The following PTPRO variants were observed in gnomAD, a reference collection of about 807,000 sequenced individuals.
PTPRO encodes the protein protein tyrosine phosphatase receptor type O.
In PTPRO, 62 loss-of-function variants were observed where a neutral mutation model predicts 145.2. That is an observed-to-expected ratio of 0.43 (90% CI 0.35 to 0.53). The LOEUF is 0.53. Ranked by LOEUF, PTPRO falls within the 20% of genes least tolerant of loss-of-function variation. The probability of loss-of-function intolerance (pLI) is 0.01; values close to 1 mark genes in which losing one functional copy is unlikely to be tolerated. For missense variants in PTPRO, 1,345 were observed against 1,482.7 expected (o/e 0.91, Z 1.53); for synonymous variants, 565 against 514.7 (o/e 1.10, Z -1.32).
At chr12:15,462,739 G>A (rs253809) in intron 1 of PTPRO, among the ~76,000 whole-genome samples, 140,898 of 152,194 alleles carry the variant, frequency 0.93, 66,014 homozygotes, top group East Asian at 1. Context: ...GACATGTAGA[G>A]AAATTCCTGG....
chr12:15,561,697 C>G (rs1365985991), intron 17 of PTPRO, among the ~76,000 whole-genome samples: 1 of 152,114 alleles, frequency 6.6e-6, no homozygotes, highest in Non-Finnish European at 1.5e-5. Context: ...TATACATTTA[C>G]TTTTAACTGA....
At chr12:15,474,947 G>A (rs909327028) in intron 1 of PTPRO, among the ~76,000 whole-genome samples, 3 of 152,244 alleles carry the variant, frequency 2.0e-5, no homozygotes, top group South Asian at 2.1e-4. Flanking sequence ...CTCATTAGTC[G>A]CACCAACTGA....
chr12:15,359,486 G>A (rs542363620), intron 1 of PTPRO, among the ~76,000 whole-genome samples: 9 of 145,452 alleles, frequency 6.2e-5, no homozygotes, highest in Admixed American at 4.2e-4. Flanking sequence ...GTGCAGTGGC[G>A]TGATCTCCTG....
At chr12:15,365,229 TC>T (rs1938325668) in intron 1 of PTPRO, among the ~76,000 whole-genome samples, 3 of 152,132 alleles carry the variant, frequency 2.0e-5, no homozygotes, top group Non-Finnish European at 4.4e-5. Context: ...TCCCACTTCT[TC>T]CACCTACCTT....
rs886787431 is a variant in PTPRO at position 15,469,754 on chromosome 12, C to T, written c.76-14220C>T. Among the ~76,000 whole-genome samples, 19 of 109,980 alleles carry T rather than the reference C, an allele frequency of 1.7e-4. 1 individual carries two copies. The highest frequency in any genetic ancestry group is 9.2e-4 in the Admixed American group (7 of 7,636). The allele number at this position is 109,980 out of a possible 152,430, so 72.2% of individuals were successfully genotyped here. ...CTGTTGAACTAAATAGGAATCATGG[C>T]GTTAGTGTCCTGACAAAAAAAAAAA... On this transcript the variant is annotated intron_variant, in intron 1 of 26. Transcript: ENST00000281171.
At chr12:15,459,671 G>A (rs1941258615) in intron 1 of PTPRO, among the ~76,000 whole-genome samples, 1 of 152,204 alleles carries the variant, frequency 6.6e-6, no homozygotes, top group Non-Finnish European at 1.5e-5. Context: ...GAAGATCCAA[G>A]TCTTCCTATT....
chr12:15,451,246 T>C (rs762838540), intron 1 of PTPRO, among the ~76,000 whole-genome samples: 1 of 152,066 alleles, frequency 6.6e-6, no homozygotes, highest in Non-Finnish European at 1.5e-5. Context: ...AGAGAAACAT[T>C]ATATAATGAT....
In PTPRO at chr12:15,503,901, G is replaced by T. The variant is rs762795277; in HGVS notation, c.1106-7G>T. On this transcript the variant is annotated splice_polypyrimidine_tract_variant and splice_region_variant and intron_variant, in intron 5 of 26. Transcript: ENST00000281171. ...CATGTATCTTCTCTTTTTTATATAT[G>T]ATTTAGAGAACTTTACTGAATATTT... 1 of 1,561,974 alleles carries T rather than the reference G, an allele frequency of 6.4e-7. No individual in the cohort carries two copies. Among genetic ancestry groups the T allele is most frequent in the Non-Finnish European group, 8.8e-7 (1 of 1,133,950 alleles).
At chr12:15,333,903 G>C (rs192705473) in intron 1 of PTPRO, among the ~76,000 whole-genome samples, 20 of 152,206 alleles carry the variant, frequency 1.3e-4, no homozygotes, top group Admixed American at 9.8e-4. Context: ...CAAAAGCATA[G>C]CTTTTCTGAT....
chr12:15,582,170 T>A (rs1944334957), intron 23 of PTPRO, among the ~76,000 whole-genome samples: 2 of 152,260 alleles, frequency 1.3e-5, no homozygotes, highest in African/African-American at 4.8e-5. Flanking sequence ...CTTAAGCGGT[T>A]TTCCGCCCTG....
chr12:15,484,728 A>G (rs1941851677), intron 2 of PTPRO, among the ~76,000 whole-genome samples: 2 of 152,140 alleles, frequency 1.3e-5, no homozygotes, highest in African/African-American at 2.4e-5. Flanking sequence ...TCCCCACCTC[A>G]TCTTCAAAAT....
intron 1 of PTPRO, among the ~76,000 whole-genome samples, chr12:15,464,565 A>G (rs57580303): frequency 0.023 from 3,400 of 148,642 alleles, 148 homozygotes; most frequent in African/African-American, 0.079. Flanking sequence ...GGGTTTCACC[A>G]TCTTGGCCAG....
intron 1 of PTPRO, among the ~76,000 whole-genome samples, chr12:15,411,066 G>A (rs142649696): frequency 7.0e-4 from 106 of 152,292 alleles, no homozygotes; most frequent in African/African-American, 2.2e-3. Context: ...TGAAAAAGAA[G>A]TTTGAGCTGT....
intron 12 of PTPRO, among the ~76,000 whole-genome samples, chr12:15,537,145 G>A (rs1441807260): frequency 6.6e-6 from 1 of 152,094 alleles, no homozygotes; most frequent in Non-Finnish European, 1.5e-5. Flanking sequence ...TTCAGGTCTG[G>A]GTGGGTCAAC....
intron 1 of PTPRO, among the ~76,000 whole-genome samples, chr12:15,375,739 G>C: frequency 7.5e-6 from 1 of 133,002 alleles, no homozygotes; most frequent in Admixed American, 8.4e-5. Flanking sequence ...CTGGGCAACA[G>C]AGCAAGACTC....
chr12:15,545,282 G>A (rs1001469075), intron 12 of PTPRO, among the ~76,000 whole-genome samples: 7 of 151,732 alleles, frequency 4.6e-5, no homozygotes, highest in Admixed American at 6.6e-5. Flanking sequence ...GTGGGTAGTC[G>A]TCTGACAGGC....
chr12:15,486,829 ATATT>A (rs1941898452), intron 2 of PTPRO, among the ~76,000 whole-genome samples: 1 of 151,320 alleles, frequency 6.6e-6, no homozygotes, highest in South Asian at 2.1e-4. Flanking sequence ...GTAATTATTA[ATATT>A]TATTATTATA....
intron 1 of PTPRO, among the ~76,000 whole-genome samples, chr12:15,392,336 A>G (rs1268058955): frequency 2.6e-5 from 4 of 152,232 alleles, no homozygotes; most frequent in African/African-American, 9.6e-5. Context: ...CCAACTGGCT[A>G]TAGCCATATT....
At chr12:15,369,141 C>G (rs1404010522) in intron 1 of PTPRO, among the ~76,000 whole-genome samples, 4 of 152,112 alleles carry the variant, frequency 2.6e-5, no homozygotes, top group African/African-American at 9.7e-5. Context: ...TCAGTCGATA[C>G]AGTTTTCTAA....
Sources: gnomAD v4.1 joint callset for allele counts (sites outside exome capture counted in the v4.1 genomes callset) on GRCh38, gnomAD v4.1.1 for gene constraint, MANE v1.5 for transcripts, NCBI Gene and HGNC (gene_info 2026-07-23, HGNC 2026-07-21) for gene names.